HRH1: variants seen among roughly 807,000 people sequenced by gnomAD.
HRH1 encodes histamine H1 receptor.
In HRH1, 6 loss-of-function variants were observed where a neutral mutation model predicts 10.3. The observed-to-expected ratio is 0.58, with a 90% confidence interval of 0.32 to 1.15. HRH1 has a LOEUF of 1.15. HRH1 is among the 50% of genes most tolerant of loss of function. The pLI, the probability that HRH1 is intolerant of heterozygous loss-of-function variation, is 0.05. For synonymous variants in HRH1, 242 were observed against 236.7 expected, an observed-to-expected ratio of 1.02 and a Z score of -0.21; for missense variants, 514 against 615.3, an observed-to-expected ratio of 0.84 and a Z score of 1.74.
chr3:11,250,208 A>ATTTTTTT (rs71055857), intron 1 of HRH1, among the ~76,000 whole-genome samples: 10 of 106,906 alleles, frequency 9.4e-5, no homozygotes, highest in African/African-American at 3.4e-4. Context: ...CACCCGGCTA[A>ATTTTTTT]TTTTTTTTTT....
chr3:11,207,038 T>C (rs1417530323), intron 1 of HRH1, among the ~76,000 whole-genome samples: 3 of 151,950 alleles, frequency 2.0e-5, no homozygotes, highest in Non-Finnish European at 4.4e-5. Context: ...CGGATGGAAG[T>C]CTCTGGAGGT....
chr3:11,150,689 T>C (rs1936589493), upstream of HRH1, among the ~76,000 whole-genome samples: 1 of 152,242 alleles, frequency 6.6e-6, no homozygotes, highest in Non-Finnish European at 1.5e-5. Flanking sequence ...TTGGGGGACA[T>C]GGGTTCTGTG....
intron 1 of HRH1, among the ~76,000 whole-genome samples, chr3:11,193,273 T>TA (rs1937583158): frequency 6.6e-6 from 1 of 152,196 alleles, no homozygotes; most frequent in African/African-American, 2.4e-5. Context: ...ACAGAACTTT[T>TA]AAAAAATATC....
At chr3:11,177,440 G>A (rs1456913059) in intron 1 of HRH1, among the ~76,000 whole-genome samples, 1 of 152,096 alleles carries the variant, frequency 6.6e-6, no homozygotes, top group African/African-American at 2.4e-5. Flanking sequence ...TTTTGCTGAT[G>A]AACTCTTGTG....
intron 1 of HRH1, among the ~76,000 whole-genome samples, chr3:11,224,644 G>A (rs563629700): frequency 9.2e-5 from 14 of 151,484 alleles, no homozygotes; most frequent in African/African-American, 3.4e-4. Context: ...AGCTTGCAGC[G>A]AGCCGAGTAT....
upstream of HRH1, among the ~76,000 whole-genome samples, chr3:11,151,796 T>C (rs942011368): frequency 1.3e-5 from 2 of 152,208 alleles, no homozygotes; most frequent in African/African-American, 4.8e-5. Context: ...CGAGCCACCA[T>C]GCCCGGCCCA....
intron 1 of HRH1, among the ~76,000 whole-genome samples, chr3:11,210,290 ATGCTGAGATGGGAGAGT>A (rs1233503476): frequency 6.6e-6 from 1 of 152,134 alleles, no homozygotes; most frequent in African/African-American, 2.4e-5. Context: ...GCTACTCGGG[ATGCTGAGATGGGAGAGT>A]TGCTTGAGCC....
At chr3:11,228,466 C>A (rs1938953830) in intron 1 of HRH1, among the ~76,000 whole-genome samples, 1 of 152,114 alleles carries the variant, frequency 6.6e-6, no homozygotes, top group African/African-American at 2.4e-5. Context: ...GGTGAGTCCT[C>A]AGCATCAGTA....
Position 11,156,740 on chromosome 3 carries a change from C to T in HRH1, c.-36+2186C>T, listed in dbSNP as rs548906881. Among the ~76,000 whole-genome samples, 31 of 152,162 alleles carry T rather than the reference C, an allele frequency of 2.0e-4. 1 individual carries two copies. The highest frequency in any genetic ancestry group is 1.5e-3 in the South Asian group (7 of 4,820). Reference sequence around the variant, plus strand: ...TGTGCATAAAGCACTTCAGTGGTGCCATGTAATAGCTAAAAGTGTTAAGAG... The same window carrying T: ...TGTGCATAAAGCACTTCAGTGGTGCTATGTAATAGCTAAAAGTGTTAAGAG... On this transcript the variant is annotated intron_variant, in intron 1 of 1. Coordinates refer to ENST00000431010, the MANE Select transcript of HRH1 (RefSeq NM_001098212.2).
At chr3:11,244,663 C>G (rs768916068) in intron 1 of HRH1, among the ~76,000 whole-genome samples, 5 of 152,238 alleles carry the variant, frequency 3.3e-5, no homozygotes, top group Admixed American at 6.5e-5. Flanking sequence ...TGGAGTATTT[C>G]TAATTTGGAA....
rs1460451581 is a variant in HRH1 at position 11,259,146 on chromosome 3, A to G, written c.109A>G (p.Ile37Val). 1 of 1,613,928 alleles carries G rather than the reference A, an allele frequency of 6.2e-7. No individual in the cohort carries two copies. Among genetic ancestry groups the G allele is most frequent in the Non-Finnish European group, 8.5e-7 (1 of 1,180,036 alleles). ...LMPLVVVLST[I>V]CLVTVGLNLL... is the part of the protein sequence containing the mutation. ...GCCCCTGGTGGTGGTCCTGAGCACTATCTGCTTGGTCACAGTAGGGCTCAA... is the reference window on the plus strand; with the variant it reads ...GCCCCTGGTGGTGGTCCTGAGCACTGTCTGCTTGGTCACAGTAGGGCTCAA... The change falls in exon 2 of 2, where the codon ATC becomes GTC. Residue 37 changes from isoleucine (I) to valine (V), a missense_variant. Ile to Val is a conservative substitution (Grantham distance 29). Transcript: ENST00000431010. This position sits in a 1 kb window ranked among gnomAD's most constrained non-coding sequence, Gnocchi z 4.6.
intron 1 of HRH1, among the ~76,000 whole-genome samples, chr3:11,183,970 G>A (rs1008140126): frequency 3.6e-4 from 54 of 151,260 alleles, no homozygotes; most frequent in African/African-American, 9.0e-4. Context: ...AGAGGCAGGC[G>A]GTGTGATGGT....
intron 1 of HRH1, among the ~76,000 whole-genome samples, chr3:11,170,417 C>T (rs778319470): frequency 3.9e-5 from 6 of 152,242 alleles, no homozygotes; most frequent in Non-Finnish European, 7.3e-5. Context: ...TTTATTTGTG[C>T]ACCTACTGTG....
intron 1 of HRH1, among the ~76,000 whole-genome samples, chr3:11,213,921 G>A (rs975419607): frequency 2.0e-5 from 3 of 152,332 alleles, no homozygotes; most frequent in South Asian, 2.1e-4. Flanking sequence ...GGACTATCAC[G>A]TAAAGAGATG....
chr3:11,203,660 T>C (rs957301526), intron 1 of HRH1, among the ~76,000 whole-genome samples: 1 of 152,244 alleles, frequency 6.6e-6, no homozygotes, highest in African/African-American at 2.4e-5. Flanking sequence ...ACAACTTGAC[T>C]GTATTTATGT....
chr3:11,204,416 C>T (rs893688159), intron 1 of HRH1, among the ~76,000 whole-genome samples: 2 of 152,048 alleles, frequency 1.3e-5, no homozygotes, highest in Admixed American at 6.5e-5. Context: ...TAGGTACTAA[C>T]CAGGGGTCAG....
intron 1 of HRH1, among the ~76,000 whole-genome samples, chr3:11,139,318 T>A (rs1936248106): frequency 6.6e-6 from 1 of 151,550 alleles, no homozygotes; most frequent in Non-Finnish European, 1.5e-5. Flanking sequence ...CTTGCTCTGT[T>A]ACCCAGGCTG....
At chr3:11,223,325 C>G (rs1331079998) in intron 1 of HRH1, among the ~76,000 whole-genome samples, 6 of 140,166 alleles carry the variant, frequency 4.3e-5, no homozygotes, top group African/African-American at 1.4e-4. Flanking sequence ...AACCCCATCT[C>G]TACTAAAAAT....
intron 1 of HRH1, among the ~76,000 whole-genome samples, chr3:11,208,763 T>A (rs1422700430): frequency 6.6e-6 from 1 of 152,242 alleles, no homozygotes; most frequent in Non-Finnish European, 1.5e-5. Context: ...TGTTCTTGTG[T>A]GCTAACATGG....
Sources: allele counts gnomAD v4.1 joint callset (sites outside exome capture counted in the v4.1 genomes callset), GRCh38; gene constraint gnomAD v4.1.1; non-coding constraint Gnocchi (gnomAD v3.1); transcripts MANE v1.5; gene names NCBI Gene and HGNC (gene_info 2026-07-23, HGNC 2026-07-21).